Variants in LAMC3 observed in about 807,000 individuals in gnomAD.
LAMC3 encodes the protein laminin subunit gamma 3.
A neutral mutation model predicts 173.8 loss-of-function variants in LAMC3; 128 were observed. The observed-to-expected ratio is 0.74, with a 90% CI of 0.64 to 0.85. The LOEUF (loss-of-function observed/expected upper bound fraction) is 0.85, where lower values mean the gene tolerates loss of function less well. LAMC3 is among the 40% of genes least tolerant of loss of function. The pLI is 0.00. For synonymous variants in LAMC3, 897 were observed against 909.1 expected (o/e 0.99, Z 0.24); for missense variants, 2,022 against 2,156.0 (o/e 0.94, Z 1.23).
At chr9:131,012,036 A>C (rs903678552) in intron 1 of LAMC3, among the ~76,000 whole-genome samples, 11 of 145,254 alleles carry the variant, frequency 7.6e-5, no homozygotes, top group Admixed American at 6.9e-4. Flanking sequence ...CACACTGTGA[A>C]TGTAGAGAGC....
chr9:131,049,981 C>T (rs1834249392), intron 9 of LAMC3, among the ~76,000 whole-genome samples: 1 of 152,254 alleles, frequency 6.6e-6, no homozygotes, highest in African/African-American at 2.4e-5. Context: ...CTTTCCCTCC[C>T]TCCCTCTGCC....
At chr9:131,036,649 G>T (rs189944451) in intron 4 of LAMC3, among the ~76,000 whole-genome samples, 44 of 152,266 alleles carry the variant, frequency 2.9e-4, no homozygotes, top group African/African-American at 1.0e-3. Context: ...GCTGCTAATC[G>T]GAACCAGGCT....
intron 1 of LAMC3, among the ~76,000 whole-genome samples, chr9:131,022,160 A>G (rs966408029): frequency 6.6e-6 from 1 of 151,774 alleles, no homozygotes; most frequent in Admixed American, 6.6e-5. Context: ...CCAAAATTCT[A>G]ATGAAAGACC....
At chr9:131,014,648 A>C (rs1833487236) in intron 1 of LAMC3, among the ~76,000 whole-genome samples, 2 of 152,136 alleles carry the variant, frequency 1.3e-5, no homozygotes, top group Non-Finnish European at 2.9e-5. Context: ...TGCTGGGTAA[A>C]GGTTGGTCAG....
rs1281479984 is a variant in LAMC3, at chr9:131,063,892, G to A, written c.2347+2669G>A. ...TCCGTTCCGCCTTTTCCTTTTCAGG[G>A]TTGCCCTTAGCACTATTAACTTTTT... On this transcript the variant is annotated intron_variant, in intron 13 of 27. Transcript: ENST00000361069. Among the ~76,000 whole-genome samples the A allele has an allele frequency of 2.0e-4, 31 of 151,942 alleles. 1 individual carries two copies. The highest frequency in any genetic ancestry group is 2.0e-3 in the Admixed American group (30 of 15,246).
At chr9:131,073,617 A>G (rs965099072) in intron 20 of LAMC3, among the ~76,000 whole-genome samples, 2 of 152,180 alleles carry the variant, frequency 1.3e-5, no homozygotes, top group Non-Finnish European at 2.9e-5. Flanking sequence ...CACTATACAG[A>G]GGCCTTTGCC....
intron 27 of LAMC3, among the ~76,000 whole-genome samples, chr9:131,088,431 G>A (rs1475673030): frequency 6.6e-6 from 1 of 152,144 alleles, no homozygotes; most frequent in East Asian, 1.9e-4. Context: ...TTCAAGATGG[G>A]CCTTAGCAAG....
intron 12 of LAMC3, among the ~76,000 whole-genome samples, chr9:131,060,062 C>T (rs1588156584): frequency 1.3e-5 from 2 of 152,172 alleles, no homozygotes; most frequent in East Asian, 3.9e-4. Context: ...GAGCAGATGC[C>T]AGGTGCAGTC....
At chr9:131,045,759 G>A in intron 8 of LAMC3, 99 bp downstream of exon 8, 1 of 1,452,768 alleles carries the variant, frequency 6.9e-7, no homozygotes, top group Non-Finnish European at 9.6e-7. Context: ...ATCTCCCATT[G>A]TGGAGAGGAG....
intron 1 of LAMC3, among the ~76,000 whole-genome samples, chr9:131,014,254 C>G (rs1833479107): frequency 6.6e-6 from 1 of 152,250 alleles, no homozygotes; most frequent in Non-Finnish European, 1.5e-5. Context: ...GGCCGAGGCA[C>G]TCTCTCTCCT....
intron 13 of LAMC3, 90 bp from the exon 14 acceptor site, chr9:131,066,870 T>G (rs1377853656): frequency 3.3e-6 from 5 of 1,538,298 alleles, no homozygotes; most frequent in Non-Finnish European, 4.4e-6. Context: ...CCGGGGAAGG[T>G]GGAGGGACGC....
At position 131,066,879 on chromosome 9, in the gene LAMC3, G is replaced by C. The variant is rs1399159007; in HGVS notation, c.2348-81G>C. The C allele has an allele frequency of 6.4e-6, 10 of 1,566,636 alleles. No homozygotes were observed. The East Asian group carries it at 2.3e-4, about 35-fold the overall frequency. On this transcript the variant is annotated intron_variant, in intron 13 of 27. Transcript: ENST00000361069. ...GCTGCTCCGGGGAAGGTGGAGGGAC[G>C]CTTGCTCTGCTTCACACCCACCCTC...
At chr9:131,074,620 T>C (rs557246297) in intron 20 of LAMC3, among the ~76,000 whole-genome samples, 12 of 146,450 alleles carry the variant, frequency 8.2e-5, no homozygotes, top group African/African-American at 3.0e-4. Flanking sequence ...CGCTTGAACC[T>C]GGGAGGTGGA....
At chr9:131,073,381 G>A (rs938324714) in intron 20 of LAMC3, 60 bp downstream of exon 20, 38 of 1,333,658 alleles carry the variant, frequency 2.8e-5, no homozygotes, top group Non-Finnish European at 3.8e-5. Context: ...TCCAGGGTCA[G>A]AGTCAGCCCC....
At chr9:131,045,995 A>G (rs1405406111) in intron 8 of LAMC3, among the ~76,000 whole-genome samples, 1 of 152,176 alleles carries the variant, frequency 6.6e-6, no homozygotes, top group Non-Finnish European at 1.5e-5. Context: ...ATTCAGGCTC[A>G]GTCTCCTGGC....
In LAMC3 at chr9:131,009,562, C is replaced by A; in HGVS notation, c.348C>A (p.Thr116=). 6.4e-7 allele frequency: 1 copy of A among 1,571,930 alleles called. No individual in the cohort carries two copies. The highest frequency in any genetic ancestry group is 1.2e-5 in the South Asian group (1 of 85,338). The change falls in exon 1 of 28, where the codon ACC becomes ACA. Residue 116 remains threonine (T), a synonymous_variant. Coordinates refer to ENST00000361069, the MANE Select transcript of LAMC3 (RefSeq NM_006059.4). This position sits in a 1 kb window ranked among gnomAD's most constrained non-coding sequence, Gnocchi z 4.3. ...TGGCCTTCGGCGTGCAGTACCCCAC[C>A]TCGGTCAACATCACCCTCCGCCTAG... ...PSMAFGVQYP[T]SVNITLRLGK... is the part of the protein sequence containing the mutation.
chr9:131,037,679 G>C (rs1463018053), intron 4 of LAMC3, among the ~76,000 whole-genome samples: 1 of 152,166 alleles, frequency 6.6e-6, no homozygotes, highest in Non-Finnish European at 1.5e-5. Context: ...ATGTTTTATA[G>C]AGCTCGGCTC....
In LAMC3 at chr9:131,029,895, A is replaced by C. The variant is rs1156967815; in HGVS notation, c.679-2150A>C. 2.0e-5 allele frequency among the ~76,000 whole-genome samples: 3 copies of C among 151,948 alleles called. No individual in the cohort carries two copies. The highest frequency in any genetic ancestry group is 7.2e-5 in the African/African-American group (3 of 41,414). ...CAACTCCAGCACCCACTCATAGCTT[A>C]AGCTGGAGTTCCAGTGCCTGGGTTC... On this transcript the variant is annotated intron_variant, in intron 2 of 27. Transcript: ENST00000361069. This position sits in a 1 kb window ranked among gnomAD's most constrained non-coding sequence, Gnocchi z 4.6.
chr9:131,034,282 C>G (rs1833901743), intron 3 of LAMC3, among the ~76,000 whole-genome samples: 4 of 152,164 alleles, frequency 2.6e-5, no homozygotes, highest in Admixed American at 2.6e-4. Flanking sequence ...AGGGGCAGTC[C>G]CTTGTGACTT....
Sources: gnomAD v4.1 joint callset for allele counts (sites outside exome capture counted in the v4.1 genomes callset) on GRCh38, gnomAD v4.1.1 for gene constraint, Gnocchi (gnomAD v3.1) non-coding constraint, MANE v1.5 for transcripts, NCBI Gene and HGNC (gene_info 2026-07-23, HGNC 2026-07-21) for gene names.